The following IL1RL2 variants were observed in gnomAD, a reference collection of about 807,000 sequenced individuals.
IL1RL2 encodes the protein interleukin-1 receptor-like 2.
Under a neutral mutation model 66.8 loss-of-function variants are expected in IL1RL2, and 68 were observed. That is an observed-to-expected ratio of 1.02 (90% confidence interval 0.84 to 1.25). The LOEUF is 1.25. Among genes scored for constraint, IL1RL2 ranks in the 50% most tolerant of loss-of-function variants. IL1RL2 has a pLI of 0.00. For synonymous variants in IL1RL2, 305 were observed against 264.6 expected (o/e 1.15, Z -1.48); for missense variants, 729 against 709.3 (o/e 1.03, Z -0.32).
chr2:102,233,262 C>T (rs1352592340), intron 10 of IL1RL2, 138 bp downstream of exon 10: 22 of 809,778 alleles, frequency 2.7e-5, no homozygotes, highest in Non-Finnish European at 4.0e-5. Context: ...CGCCCCCTGC[C>T]CGTCAGCCCC....
At chr2:102,188,945 G>T in intron 2 of IL1RL2, 131 bp from the exon 3 acceptor site, 1 of 647,982 alleles carries the variant, frequency 1.5e-6, no homozygotes, top group Non-Finnish European at 2.6e-6. Context: ...GAAACTTCCA[G>T]ACTCAAGAAA....
chr2:102,192,063 C>T lies in IL1RL2; in HGVS notation c.432C>T (p.Leu144=), dbSNP rs374345245. 2 of 1,610,724 alleles carry T rather than the reference C, an allele frequency of 1.2e-6. No homozygotes were observed. The highest frequency in any genetic ancestry group is 2.7e-5 in the African/African-American group (2 of 74,684). Residue 144 remains leucine, a synonymous_variant, in exon 4 of 12, where the codon CTC becomes CTT. Coordinates refer to ENST00000264257, the MANE Select transcript of IL1RL2 (RefSeq NM_003854.4). ...TACATCTTGGAAAAGATGATAGTCT[C>T]ACATGTCATCTGCACTTCCCGAAGA... is the stretch of plus-strand genomic sequence containing the variant. ...QILHLGKDDS[L]TCHLHFPKSC...
At position 102,187,994 on chromosome 2, in the gene IL1RL2, G is replaced by A. The variant is rs1686845474; in HGVS notation, c.58+69G>A. ...ACAGGCTCCTGGCCTGTCATTGGGA[G>A]CCCCCGGGGATCGCGTCAGCCCGAG... On this transcript the variant is annotated intron_variant, in intron 2 of 11. Coordinates refer to ENST00000264257, the MANE Select transcript of IL1RL2 (RefSeq NM_003854.4). 5.4e-6 allele frequency: 8 copies of A among 1,482,236 alleles called. No individual in the cohort carries two copies. In the South Asian group the frequency reaches 7.9e-5, roughly 15 times the overall value. The allele number at this position is 1,482,236 out of a possible 1,614,324, so 91.8% of individuals were successfully genotyped here.
intron 10 of IL1RL2, 125 bp from the exon 11 acceptor site, chr2:102,234,772 G>A (rs957648390): frequency 1.2e-6 from 1 of 850,118 alleles, no homozygotes; most frequent in Non-Finnish European, 1.8e-6. Context: ...GGGCAACACA[G>A]TGAGACTTCA....
chr2:102,232,181 G>T (rs1366163531), intron 9 of IL1RL2, among the ~76,000 whole-genome samples: 1 of 149,494 alleles, frequency 6.7e-6, no homozygotes, highest in Admixed American at 6.7e-5. Flanking sequence ...GTGTGATCTC[G>T]GCTCACTGAA....
chr2:102,228,877 T>TC (rs11383840), intron 9 of IL1RL2, among the ~76,000 whole-genome samples: 4,151 of 150,738 alleles, frequency 0.028, 116 homozygotes, highest in African/African-American at 0.079. Context: ...AAAGGCAGAT[T>TC]TTTTTTCCCC....
At chr2:102,227,297 T>TG (rs3834161) in intron 9 of IL1RL2, among the ~76,000 whole-genome samples, 18,312 of 152,136 alleles carry the variant, frequency 0.12, 1,581 homozygotes, top group African/African-American at 0.25. Flanking sequence ...GAACGTTTTA[T>TG]GGGCCAGCTA....
chr2:102,230,697 G>C (rs1318433113), intron 9 of IL1RL2, among the ~76,000 whole-genome samples: 3 of 152,208 alleles, frequency 2.0e-5, no homozygotes, highest in Non-Finnish European at 4.4e-5. Context: ...GTGCACGTGT[G>C]TGTGTGCATG....
At chr2:102,209,318 A>G (rs1278313994) in intron 5 of IL1RL2, among the ~76,000 whole-genome samples, 1 of 152,224 alleles carries the variant, frequency 6.6e-6, no homozygotes, top group Non-Finnish European at 1.5e-5. Flanking sequence ...GTAGAGCCAC[A>G]GACAGTGTTT....
Position 102,235,712 on chromosome 2 carries a change from AG to A in IL1RL2, c.1678+437del, listed in dbSNP as rs1173764228. The A allele has an allele frequency of 3.0e-6, 3 of 985,280 alleles. No individual in the cohort carries two copies. In the Admixed American group the frequency reaches 1.8e-4, roughly 61 times the overall value. The allele number at this position is 985,280 out of a possible 1,614,324, so 61.0% of individuals were successfully genotyped here. Reference sequence around the variant, plus strand: ...GTCTAGCACCAGGAGAGGGTTGGCAAGGATAGCAGTATTTGTCCACGCCTGT... The same window carrying A: ...GTCTAGCACCAGGAGAGGGTTGGCAAGATAGCAGTATTTGTCCACGCCTGT... On this transcript the variant is annotated intron_variant, in intron 11 of 11. Transcript: ENST00000264257.
At chr2:102,211,269 T>A (rs544684464) in intron 5 of IL1RL2, among the ~76,000 whole-genome samples, 39 of 152,252 alleles carry the variant, frequency 2.6e-4, no homozygotes, top group Non-Finnish European at 4.0e-4. Context: ...TGGAACTAAG[T>A]AGGTGATCGC....
chr2:102,220,964 G>T (rs1690074312), intron 8 of IL1RL2, among the ~76,000 whole-genome samples: 1 of 152,196 alleles, frequency 6.6e-6, no homozygotes, highest in Non-Finnish European at 1.5e-5. Flanking sequence ...GTGGCAGCTT[G>T]CAGCTCTGGG....
At chr2:102,193,146 C>A (rs781497165) in intron 4 of IL1RL2, among the ~76,000 whole-genome samples, 1 of 152,126 alleles carries the variant, frequency 6.6e-6, no homozygotes, top group Non-Finnish European at 1.5e-5. Context: ...TAACTTTTGA[C>A]TTTGTTGATC....
chr2:102,203,176 C>T (rs984798024), intron 5 of IL1RL2, among the ~76,000 whole-genome samples: 9 of 152,154 alleles, frequency 5.9e-5, no homozygotes, highest in Non-Finnish European at 2.9e-5. Flanking sequence ...TGATGTATTA[C>T]ATTGATTGAT....
intron 5 of IL1RL2, among the ~76,000 whole-genome samples, chr2:102,210,116 T>A (rs1471104433): frequency 6.6e-6 from 1 of 152,076 alleles, no homozygotes; most frequent in East Asian, 1.9e-4. Context: ...AGGGAAAGCT[T>A]TCTGATAATA....
chr2:102,212,023 C>G, intron 5 of IL1RL2, 77 bp from the exon 6 acceptor site: 2 of 1,000,408 alleles, frequency 2.0e-6, no homozygotes, highest in Non-Finnish European at 3.1e-6. Context: ...TGTTGGGCTT[C>G]ATGCTATTAC....
At chr2:102,206,080 CT>C (rs1295634812) in intron 5 of IL1RL2, among the ~76,000 whole-genome samples, 1 of 152,016 alleles carries the variant, frequency 6.6e-6, no homozygotes, top group Non-Finnish European at 1.5e-5. Context: ...AGAATTTCTG[CT>C]TGATTTAAAA....
chr2:102,189,024 A>G, intron 2 of IL1RL2, 52 bp from the exon 3 acceptor site: 1 of 1,390,756 alleles, frequency 7.2e-7, no homozygotes, highest in Non-Finnish European at 1.0e-6. Context: ...AGTAAATAAA[A>G]CTGAAGTTTT....
chr2:102,233,504 T>C (rs1412591371), intron 10 of IL1RL2, among the ~76,000 whole-genome samples: 1 of 152,196 alleles, frequency 6.6e-6, no homozygotes, highest in Non-Finnish European at 1.5e-5. Flanking sequence ...CTGGGTGTTT[T>C]CCATGGGTTT....
Sources: gnomAD v4.1 joint callset for allele counts (sites outside exome capture counted in the v4.1 genomes callset) on GRCh38, gnomAD v4.1.1 for gene constraint, MANE v1.5 for transcripts, NCBI Gene and HGNC (gene_info 2026-07-23, HGNC 2026-07-21) for gene names.